Variants in TAF6 observed in about 807,000 individuals in gnomAD.
TAF6 encodes transcription initiation factor TFIID subunit 6.
Under a neutral mutation model 73.5 loss-of-function variants are expected in TAF6, and 50 were observed. That is an observed-to-expected ratio of 0.68 (90% confidence interval 0.54 to 0.86). TAF6 has a LOEUF of 0.86. TAF6 is among the 40% of genes least tolerant of loss of function. The pLI is 0.00. For missense variants in TAF6, 768 were observed against 899.5 expected (o/e 0.85, Z 1.87); for synonymous variants, 424 against 376.7 (o/e 1.13, Z -1.45).
chr7:100,119,076 C>CAG (rs1331647808), intron 1 of TAF6, 128 bp downstream of exon 1: 1 of 986,306 alleles, frequency 1.0e-6, no homozygotes, highest in Non-Finnish European at 1.2e-6. Flanking sequence ...GAGATCCCAG[C>CAG]AGAGAAGCAG....
chr7:100,107,923 T>C lies in TAF6; in HGVS notation c.1656+3A>G. 3 of 1,604,788 alleles carry C rather than the reference T, an allele frequency of 1.9e-6. No individual in the cohort carries two copies. The highest frequency in any genetic ancestry group is 2.6e-6 in the Non-Finnish European group (3 of 1,174,430). On this transcript the variant is annotated splice_donor_region_variant and intron_variant, in intron 14 of 14. Coordinates refer to ENST00000453269, the MANE Select transcript of TAF6 (RefSeq NM_139315.3). ...ATGCTCCCTGTCCCACAGCTCTGCA[T>C]ACCTGCTGGGTGGATGGGGCGCTGG...
upstream of TAF6, chr7:100,121,112 A>ATTTTT (rs1798040006): frequency 5.9e-4 from 18 of 30,714 alleles, no homozygotes; most frequent in Non-Finnish European, 7.0e-4. Flanking sequence ...ATATATATAT[A>ATTTTT]TATATTTTTT....
At chr7:100,124,866 A>G in the TAF6 span, 28 of 1,601,700 alleles carry the variant, frequency 1.7e-5, no homozygotes, top group Admixed American at 3.1e-4. Flanking sequence ...AGCCACCCCA[A>G]ACTTGACCGA....
upstream of TAF6, among the ~76,000 whole-genome samples, chr7:100,123,371 A>C (rs35146811): frequency 0.24 from 36,822 of 151,560 alleles, 4,770 homozygotes; most frequent in East Asian, 0.41. Context: ...AAAACAAAAA[A>C]AAAGAAATCA....
chr7:100,119,318 A>C lies in TAF6; in HGVS notation c.-174T>G. The C allele has an allele frequency of 4.8e-6, 5 of 1,031,952 alleles. No individual in the cohort carries two copies. Among genetic ancestry groups the C allele is most frequent in the Non-Finnish European group, 5.8e-6 (5 of 857,672 alleles). 63.9% of individuals were successfully genotyped at this position (1,031,952 alleles called of 1,614,324 possible). A position where few individuals can be genotyped will look rare whatever the true frequency, so the allele number is the denominator to read the frequency against. Reference sequence around the variant, plus strand: ...CAGGAAAACTCTAGCGGCAGCCGAGACGCTGCTCACCCGGCGCTCGGCGCC... The same window carrying C: ...CAGGAAAACTCTAGCGGCAGCCGAGCCGCTGCTCACCCGGCGCTCGGCGCC... On this transcript the variant is annotated 5_prime_UTR_variant, in exon 1 of 15. Transcript: ENST00000453269.
chr7:100,124,604 G>A (rs1218849130), upstream of TAF6: 1 of 1,613,364 alleles, frequency 6.2e-7, no homozygotes, highest in Admixed American at 1.7e-5. Flanking sequence ...TCTCTGTGAA[G>A]GTCATGTGCT....
intron 1 of TAF6, 100 bp from the exon 2 acceptor site, chr7:100,114,368 G>T: frequency 2.5e-6 from 3 of 1,186,410 alleles, no homozygotes; most frequent in Non-Finnish European, 3.6e-6. Context: ...AACTCCGAGT[G>T]TCTTATGTCC....
In TAF6 at chr7:100,108,558, AG is replaced by A. The variant is rs760633502; in HGVS notation, c.1285-19del. 6.3e-6 allele frequency: 10 copies of A among 1,580,488 alleles called. No homozygotes were observed. The highest frequency in any genetic ancestry group is 8.6e-6 in the Non-Finnish European group (10 of 1,158,090). On this transcript the variant is annotated intron_variant, in intron 12 of 14. Coordinates refer to ENST00000453269, the MANE Select transcript of TAF6 (RefSeq NM_139315.3). ...CAGTGTTTCTGCAGAACAGAAAAAA[AG>A]CCAGGTAGAGGGAGGGCTGGGGAAA...
Position 100,111,267 on chromosome 7 carries a change from G to C in TAF6, c.955C>G (p.Leu319Val). ...MTCIVSRQLC[L>V]RPDVDNHWAL... Reference sequence around the variant, plus strand: ...CAGTGATTGTCCACATCTGGTCGCAGGCACAACTGTCTGCTCACGATGCAG... The same window carrying C: ...CAGTGATTGTCCACATCTGGTCGCACGCACAACTGTCTGCTCACGATGCAG... Residue 319 changes from leucine (L) to valine (V), a missense_variant, in exon 10 of 15, where the codon CTG (leucine) becomes GTG (valine). Coordinates refer to ENST00000453269, the MANE Select transcript of TAF6 (RefSeq NM_139315.3). 1 of 1,614,240 alleles carries C rather than the reference G, an allele frequency of 6.2e-7. No individual in the cohort carries two copies. The highest frequency in any genetic ancestry group is 8.5e-7 in the Non-Finnish European group (1 of 1,180,050).
intron 4 of TAF6, 41 bp from the exon 5 acceptor site, chr7:100,113,446 G>A: frequency 1.3e-6 from 2 of 1,544,324 alleles, no homozygotes; most frequent in Non-Finnish European, 1.7e-6. Context: ...GCCACGCATG[G>A]ACATTGGGGA....
chr7:100,122,478 CAGAG>C, upstream of TAF6: 2 of 1,613,864 alleles, frequency 1.2e-6, no homozygotes, highest in Non-Finnish European at 1.7e-6. Context: ...TCTCTTTCCA[CAGAG>C]AGACAAGGCT....
upstream of TAF6, chr7:100,122,979 A>C: frequency 1.3e-6 from 2 of 1,487,198 alleles, no homozygotes; most frequent in East Asian, 2.3e-5. Context: ...CTAGGGTTTG[A>C]CTATAGGGGA....
chr7:100,113,976 A>C (rs1797451943), intron 2 of TAF6, 22 bp from the exon 3 acceptor site: 2 of 1,614,034 alleles, frequency 1.2e-6, no homozygotes, highest in East Asian at 2.2e-5. Flanking sequence ...GACAGAACAG[A>C]CATCAGCCCA....
upstream of TAF6, among the ~76,000 whole-genome samples, chr7:100,123,352 A>C (rs1485266952): frequency 6.9e-6 from 1 of 145,134 alleles, no homozygotes; most frequent in African/African-American, 2.9e-5. Context: ...AAAAAAAAAA[A>C]CAAAAACAAA....
At chr7:100,109,671 T>C (rs543459213) in intron 12 of TAF6, among the ~76,000 whole-genome samples, 1 of 151,874 alleles carries the variant, frequency 6.6e-6, no homozygotes, top group South Asian at 2.1e-4. Flanking sequence ...TTTGGTTTTT[T>C]TTTTTGCAGG....
At chr7:100,124,587 A>G, upstream of TAF6, 1 of 1,613,388 alleles carries the variant, frequency 6.2e-7, no homozygotes, top group Non-Finnish European at 8.5e-7. Context: ...CAGCCCCTAC[A>G]AAATTTTCTC....
At chr7:100,116,219 C>T (rs1797658904) in intron 1 of TAF6, among the ~76,000 whole-genome samples, 2 of 152,222 alleles carry the variant, frequency 1.3e-5, no homozygotes, top group African/African-American at 4.8e-5. Flanking sequence ...AAAGTAAAAC[C>T]TGAAATCCTT....
At chr7:100,113,801 G>C in intron 3 of TAF6, 32 bp from the exon 4 acceptor site, 1 of 1,613,342 alleles carries the variant, frequency 6.2e-7, no homozygotes, top group Non-Finnish European at 8.5e-7. Context: ...TGGGTAAGAA[G>C]GGAGCCGGAG....
upstream of TAF6, chr7:100,124,395 A>G: frequency 4.1e-6 from 3 of 735,608 alleles, no homozygotes; most frequent in Non-Finnish European, 7.1e-6. Context: ...TAGTAGGCCA[A>G]ACTTAGCTTC....
Sources: gnomAD v4.1 joint callset for allele counts (sites outside exome capture counted in the v4.1 genomes callset) on GRCh38, gnomAD v4.1.1 for gene constraint, MANE v1.5 for transcripts, NCBI Gene and HGNC (gene_info 2026-07-23, HGNC 2026-07-21) for gene names.